IRX4: variants seen among roughly 807,000 people sequenced by gnomAD.
IRX4 encodes iroquois-class homeodomain protein IRX-4.
A neutral mutation model predicts 32.0 loss-of-function variants in IRX4; 22 were observed. The ratio of observed to expected loss-of-function variants is 0.69; its 90% CI spans 0.49 to 0.98. The LOEUF (loss-of-function observed/expected upper bound fraction) is 0.98, where lower values mean the gene tolerates loss of function less well. IRX4 is among the 50% of genes least tolerant of loss of function. The pLI, the probability that IRX4 is intolerant of heterozygous loss-of-function variation, is 0.00. For missense variants in IRX4, 840 were observed against 744.2 expected (o/e 1.13, Z -1.50); for synonymous variants, 379 against 351.7 (o/e 1.08, Z -0.87).
At chr5:1,878,983 G>A (rs1218832590) in intron 4 of IRX4, among the ~76,000 whole-genome samples, 191 bp from the exon 5 acceptor site, 1 of 147,952 alleles carries the variant, frequency 6.8e-6, no homozygotes, top group African/African-American at 2.5e-5. Flanking sequence ...CAATGGGGGA[G>A]GGGGGTGTCT....
Position 1,882,892 on chromosome 5 carries a change from G to A in IRX4, c.-245C>T. 2.6e-6 allele frequency: 1 copy of A among 386,386 alleles called. No individual in the cohort carries two copies. The highest frequency in any genetic ancestry group is 3.7e-5 in the East Asian group (1 of 27,018). The allele number at this position is 386,386 out of a possible 1,614,324, so 23.9% of individuals were successfully genotyped here. On this transcript the variant is annotated 5_prime_UTR_variant, in exon 1 of 5. Coordinates refer to ENST00000231357, the MANE Select transcript of IRX4 (RefSeq NM_016358.3). ...GCTCGAGGGGGCTCTGGGACCGAGC[G>A]GCCTCGCAGCGGCGACAGAAATACA...
rs1735498712 is a variant in IRX4, at chr5:1,882,704, C to G, written c.-57G>C. On this transcript the variant is annotated 5_prime_UTR_variant, in exon 1 of 5. Transcript: ENST00000231357. ...CCTGCAGGGTTCTGCGCGCTGGGGC[C>G]GGCGTGGCGCGGCCACTGCTCCGGA... 6.2e-6 allele frequency: 7 copies of G among 1,135,516 alleles called. No homozygotes were observed. The highest frequency in any genetic ancestry group is 3.2e-5 in the East Asian group (1 of 31,074). The allele number at this position is 1,135,516 out of a possible 1,614,324, so 70.3% of individuals were successfully genotyped here.
At chr5:1,883,044 C>T (rs563730746), upstream of IRX4, among the ~76,000 whole-genome samples, 1 of 152,104 alleles carries the variant, frequency 6.6e-6, no homozygotes, top group African/African-American at 2.4e-5. Context: ...GCCGCAGACT[C>T]GCCGGTCACT....
upstream of IRX4, among the ~76,000 whole-genome samples, chr5:1,885,901 T>C (rs1386265867): frequency 6.6e-6 from 1 of 152,262 alleles, no homozygotes; most frequent in East Asian, 1.9e-4. Flanking sequence ...GTGCTGAGCC[T>C]TCCTCCCTCT....
chr5:1,877,613 G>A lies in IRX4; in HGVS notation c.*356C>T, dbSNP rs1278024410. 1 of 286,528 alleles carries A rather than the reference G, an allele frequency of 3.5e-6. No homozygotes were observed. Among genetic ancestry groups the A allele is most frequent in the Non-Finnish European group, 6.4e-6 (1 of 155,094 alleles). 17.7% of individuals were successfully genotyped at this position (286,528 alleles called of 1,614,324 possible). ...ATCGGAGGCCCGACAGGCCCAGGAGGCCTCACGCCCAGGGGACAGCAGACC... is the reference window on the plus strand; with the variant it reads ...ATCGGAGGCCCGACAGGCCCAGGAGACCTCACGCCCAGGGGACAGCAGACC... On this transcript the variant is annotated 3_prime_UTR_variant, in exon 5 of 5. Transcript: ENST00000231357.
upstream of IRX4, among the ~76,000 whole-genome samples, chr5:1,883,371 C>T (rs1735522663): frequency 6.6e-6 from 1 of 152,192 alleles, no homozygotes; most frequent in Non-Finnish European, 1.5e-5. Context: ...CGCGCTGGCG[C>T]GCTCTGCTCC....
At chr5:1,886,347 T>C (rs1561141844), upstream of IRX4, among the ~76,000 whole-genome samples, 1 of 152,178 alleles carries the variant, frequency 6.6e-6, no homozygotes, top group Non-Finnish European at 1.5e-5. Flanking sequence ...CAAGGGCCTT[T>C]CTTTCTGAGA....
In IRX4 at chr5:1,879,537, G is replaced by A. The variant is rs771027889; in HGVS notation, c.703C>T (p.Arg235Trp). The change falls in exon 4 of 5, where the codon CGG (arginine) becomes TGG (tryptophan). Residue 235 changes from arginine to tryptophan, a missense_variant. This residue lies in a region of IRX4 where 585 missense variants were observed against 488.0 expected (regional missense o/e 1.20). Coordinates refer to ENST00000231357, the MANE Select transcript of IRX4 (RefSeq NM_016358.3). Reference protein sequence around the residue: ...EEEEGGEEEAREEPLKSSKNA... With the variant: ...EEEEGGEEEAWEEPLKSSKNA... ...TTGGAGCTCTTGAGGGGCTCCTCCC[G>A]CGCCTCCTCCTCGCCCCCCTCCTCC... 5.0e-6 allele frequency: 8 copies of A among 1,613,270 alleles called. No homozygotes were observed. The African/African-American group carries it at 5.3e-5, about 11-fold the overall frequency.
rs1262436453 is a variant in IRX4, at chr5:1,878,052, C to G, written c.1477G>C (p.Val493Leu). ...CCTGCAGCTGGGGCGTCCTGGGGCA[C>G]GGCAGGCGGAAAGGCGCGGGCCAGG... ...APLARAFPPA[V>L]PQDAPAAGAA... Residue 493 changes from valine to leucine, a missense_variant, in exon 5 of 5, where the codon GTG becomes CTG. Transcript: ENST00000231357. 2.0e-6 allele frequency: 3 copies of G among 1,511,748 alleles called. No individual in the cohort carries two copies. The highest frequency in any genetic ancestry group is 4.1e-5 in the Admixed American group (2 of 48,970). 93.6% of individuals were successfully genotyped at this position (1,511,748 alleles called of 1,614,324 possible). A position where few individuals can be genotyped will look rare whatever the true frequency, so the allele number is the denominator to read the frequency against.
At position 1,882,687 on chromosome 5, in the gene IRX4, G is replaced by A. The variant is rs1447642748; in HGVS notation, c.-40C>T. The A allele has an allele frequency of 7.7e-7, 1 of 1,291,280 alleles. No homozygotes were observed. The allele number at this position is 1,291,280 out of a possible 1,614,324, so 80.0% of individuals were successfully genotyped here. ...GGGGCGGACGGGCGGGGCCTGCAGG[G>A]TTCTGCGCGCTGGGGCCGGCGTGGC... On this transcript the variant is annotated 5_prime_UTR_variant, in exon 1 of 5. Transcript: ENST00000231357.
upstream of IRX4, among the ~76,000 whole-genome samples, chr5:1,885,807 G>A (rs1420905024): frequency 6.6e-6 from 1 of 152,278 alleles, no homozygotes; most frequent in Non-Finnish European, 1.5e-5. Flanking sequence ...CAAGCCTGGA[G>A]CGGAGGCACC....
At chr5:1,878,825 G>A in intron 4 of IRX4, 33 bp from the exon 5 acceptor site, 7 of 1,607,434 alleles carry the variant, frequency 4.4e-6, no homozygotes, top group Non-Finnish European at 6.0e-6. Flanking sequence ...AGTGGAGGGA[G>A]AGGGTTGGTA....
rs1317339313 is a variant in IRX4 at position 1,881,926 on chromosome 5, G to T, written c.179C>A (p.Ala60Glu). 1 of 1,578,558 alleles carries T rather than the reference G, an allele frequency of 6.3e-7. No individual in the cohort carries two copies. Among genetic ancestry groups the T allele is most frequent in the South Asian group, 1.2e-5 (1 of 86,284 alleles). Residue 60 changes from alanine to glutamate, a missense_variant, in exon 2 of 5, where the codon GCG (alanine) becomes GAG (glutamate). Transcript: ENST00000231357. ...PVYESRLLAT[A>E]RHELNSAAAL... ...CGCGGCCGAGTTGAGCTCGTGGCGCGCGGTGGCCAGCAGCCGGCTCTCGTA... is the reference window on the plus strand; with the variant it reads ...CGCGGCCGAGTTGAGCTCGTGGCGCTCGGTGGCCAGCAGCCGGCTCTCGTA...
chr5:1,882,135 G>A, intron 1 of IRX4, 76 bp from the exon 2 acceptor site: 14 of 1,480,072 alleles, frequency 9.5e-6, no homozygotes, highest in Non-Finnish European at 1.2e-5. Flanking sequence ...AATCCCGCGC[G>A]CCGCCCACGA....
rs1453473481 is a variant in IRX4, at chr5:1,880,809, G to A, written c.323C>T (p.Ser108Leu). The A allele has an allele frequency of 2.5e-6, 4 of 1,613,558 alleles. No homozygotes were observed. The highest frequency in any genetic ancestry group is 3.4e-6 in the Non-Finnish European group (4 of 1,179,970). ...TGCCAGGCCCCCATGCGCAGATCCCGAACCATCCTTGGAATCAAAGCTGTT... is the reference window on the plus strand; with the variant it reads ...TGCCAGGCCCCCATGCGCAGATCCCAAACCATCCTTGGAATCAAAGCTGTT... ...SLNSFDSKDG[S>L]GSAHGGLAPA... Residue 108 changes from serine to leucine, a missense_variant, in exon 3 of 5, where the codon TCG becomes TTG. Ser to Leu is a moderately radical substitution (Grantham distance 145). This residue lies in a region of IRX4 where 241 missense variants were observed against 220.8 expected (regional missense o/e 1.09). Transcript: ENST00000231357.
intron 1 of IRX4, 87 bp downstream of exon 1, chr5:1,882,516 T>G: frequency 8.6e-7 from 1 of 1,167,206 alleles, no homozygotes; most frequent in Non-Finnish European, 1.2e-6. Context: ...CAGGCAGTCG[T>G]AGGTCGGACA....
rs528605386 is a variant in IRX4, at chr5:1,882,435, C to T, written c.45+168G>A. On this transcript the variant is annotated intron_variant, in intron 1 of 4. Coordinates refer to ENST00000231357, the MANE Select transcript of IRX4 (RefSeq NM_016358.3). ...GGATTTTCTTAGCGCCTCGGCCTTTCCCCGGGGGTTTGGGGAGCAGGGGTT... is the reference window on the plus strand; with the variant it reads ...GGATTTTCTTAGCGCCTCGGCCTTTTCCCGGGGGTTTGGGGAGCAGGGGTT... Among the ~76,000 whole-genome samples the T allele has an allele frequency of 1.6e-4, 24 of 152,304 alleles. No individual in the cohort carries two copies. In the South Asian group the frequency reaches 5.0e-3, roughly 32 times the overall value.
At position 1,882,605 on chromosome 5, in the gene IRX4, G is replaced by C. The variant is rs1298467487; in HGVS notation, c.43C>G (p.Gln15Glu). The C allele has an allele frequency of 6.8e-7, 1 of 1,470,276 alleles. No individual in the cohort carries two copies. Among genetic ancestry groups the C allele is most frequent in the East Asian group, 2.8e-5 (1 of 35,896 alleles). The allele number at this position is 1,470,276 out of a possible 1,614,324, so 91.1% of individuals were successfully genotyped here. Residue 15 changes from glutamine to glutamate, a missense_variant and splice_region_variant, in exon 1 of 5, where the codon CAG becomes GAG. Gln to Glu is a conservative substitution (Grantham distance 29, BLOSUM62 2). Around this residue, in one of 3 missense-constraint regions of IRX4, gnomAD observed 241 missense variants for 220.8 expected, o/e 1.09. Transcript: ENST00000231357. ...GGGCGGGGCGGGGCTCCGCTTACCT[G>C]GGGAGCCGAGGAGTAGGGGTATCCA... Reference protein sequence around the residue: ...QFGYPYSSAPQFLMATNSLST... With the variant: ...QFGYPYSSAPEFLMATNSLST...
chr5:1,877,966 G>A lies in IRX4; in HGVS notation c.*3C>T. ...TCCCTCCTGGGCTCGGGACCCGCCC[G>A]CCTCAGGCGCAGAAGGGTTTGCCGC... On this transcript the variant is annotated 3_prime_UTR_variant, in exon 5 of 5. Coordinates refer to ENST00000231357, the MANE Select transcript of IRX4 (RefSeq NM_016358.3). 1 of 1,493,736 alleles carries A rather than the reference G, an allele frequency of 6.7e-7. No individual in the cohort carries two copies. The highest frequency in any genetic ancestry group is 8.9e-7 in the Non-Finnish European group (1 of 1,126,778). 92.5% of individuals were successfully genotyped at this position (1,493,736 alleles called of 1,614,324 possible).
Sources: allele counts gnomAD v4.1 joint callset (sites outside exome capture counted in the v4.1 genomes callset), GRCh38; gene constraint gnomAD v4.1.1; regional missense constraint gnomAD v4.1.1; transcripts MANE v1.5; gene names NCBI Gene and HGNC (gene_info 2026-07-23, HGNC 2026-07-21).